Variants in WFDC10B observed in about 807,000 individuals in gnomAD.
WFDC10B encodes the protein WAP four-disulfide core domain 10B, also known as protein WFDC10B.
A neutral mutation model predicts 2.7 loss-of-function variants in WFDC10B; 1 was observed. The observed-to-expected ratio is 0.38, with a 90% CI of 0.13 to 1.79. The LOEUF is 1.79. Among genes scored for constraint, WFDC10B ranks in the 40% most tolerant of loss-of-function variants. The pLI, the probability that WFDC10B is intolerant of heterozygous loss-of-function variation, is 0.33. For synonymous variants in WFDC10B, 26 were observed against 32.2 expected, an observed-to-expected ratio of 0.81 and a Z score of 0.65; for missense variants, 71 against 87.8, an observed-to-expected ratio of 0.81 and a Z score of 0.76.
intron 2 of WFDC10B, among the ~76,000 whole-genome samples, chr20:45,692,018 T>C (rs1039008135): frequency 6.6e-6 from 1 of 152,134 alleles, no homozygotes; most frequent in Non-Finnish European, 1.5e-5. Flanking sequence ...AGGAGCTCTT[T>C]TAGGGCAGGC....
chr20:45,694,105 T>C (rs1983908655), intron 2 of WFDC10B, among the ~76,000 whole-genome samples: 1 of 152,242 alleles, frequency 6.6e-6, no homozygotes, highest in Non-Finnish European at 1.5e-5. Context: ...GATGATAGTC[T>C]ATTTTGCTGT....
intron 2 of WFDC10B, among the ~76,000 whole-genome samples, chr20:45,692,379 G>A (rs1371574142): frequency 6.6e-6 from 1 of 152,008 alleles, no homozygotes; most frequent in Non-Finnish European, 1.5e-5. Flanking sequence ...CTGAATGTTG[G>A]CCTGCCTTGC....
At chr20:45,691,443 A>C (rs1983809483) in intron 2 of WFDC10B, among the ~76,000 whole-genome samples, 1 of 150,244 alleles carries the variant, frequency 6.7e-6, no homozygotes, top group Non-Finnish European at 1.5e-5. Context: ...GGGGTGTTAA[A>C]GTCTCCCATT....
chr20:45,703,751 T>A (rs1984272387), intron 2 of WFDC10B, among the ~76,000 whole-genome samples: 1 of 152,182 alleles, frequency 6.6e-6, no homozygotes, highest in African/African-American at 2.4e-5. Context: ...ATAATGATGC[T>A]TATTCTTCTC....
At chr20:45,701,812 T>C (rs965489156) in intron 2 of WFDC10B, among the ~76,000 whole-genome samples, 3 of 151,250 alleles carry the variant, frequency 2.0e-5, no homozygotes, top group African/African-American at 7.3e-5. Context: ...ATATAACATG[T>C]ACAATTTCCA....
chr20:45,687,318 C>G (rs553945941), intron 2 of WFDC10B, among the ~76,000 whole-genome samples: 1 of 152,288 alleles, frequency 6.6e-6, no homozygotes, highest in South Asian at 2.1e-4. Flanking sequence ...GTAGTTCCAT[C>G]CATGTCCTTG....
At chr20:45,691,031 TTG>T (rs1167176686) in intron 2 of WFDC10B, among the ~76,000 whole-genome samples, 2 of 152,324 alleles carry the variant, frequency 1.3e-5, no homozygotes, top group South Asian at 4.1e-4. Context: ...TTCTAGTATG[TTG>T]TGTCTTTGTT....
intron 2 of WFDC10B, among the ~76,000 whole-genome samples, chr20:45,693,948 G>A (rs1983901894): frequency 6.7e-6 from 1 of 148,370 alleles, no homozygotes; most frequent in Non-Finnish European, 1.5e-5. Context: ...GTAGAACGGA[G>A]CTGTTCCTAT....
intron 2 of WFDC10B, among the ~76,000 whole-genome samples, chr20:45,691,548 T>G (rs1170065400): frequency 6.6e-6 from 1 of 151,414 alleles, no homozygotes; most frequent in Non-Finnish European, 1.5e-5. Flanking sequence ...ATATTTAGGA[T>G]AGTTAGCTCT....
At chr20:45,686,169 C>T (rs1983611085) in intron 2 of WFDC10B, 113 bp from the exon 3 acceptor site, 2 of 1,290,600 alleles carry the variant, frequency 1.5e-6, no homozygotes, top group African/African-American at 3.0e-5. Context: ...CTTCTCCTGG[C>T]CCTGTCCTTC....
At chr20:45,689,321 T>C (rs1347106565) in intron 2 of WFDC10B, among the ~76,000 whole-genome samples, 7 of 151,730 alleles carry the variant, frequency 4.6e-5, no homozygotes, top group South Asian at 2.1e-4. Flanking sequence ...CTTGGCGATG[T>C]GGGCTCTTTT....
intron 1 of WFDC10B, 146 bp from the exon 2 acceptor site, chr20:45,704,707 G>C (rs1271586595): frequency 6.9e-7 from 1 of 1,458,570 alleles, no homozygotes; most frequent in Admixed American, 2.2e-5. Flanking sequence ...TTTTTCCTTG[G>C]TGGCCATGTT....
intron 2 of WFDC10B, among the ~76,000 whole-genome samples, chr20:45,694,446 A>T (rs1983920792): frequency 6.6e-6 from 1 of 152,244 alleles, no homozygotes. Flanking sequence ...AAACATGATT[A>T]TATATCGATA....
At chr20:45,704,660 C>A (rs188076182) in intron 1 of WFDC10B, 99 bp from the exon 2 acceptor site, 2 of 1,576,368 alleles carry the variant, frequency 1.3e-6, no homozygotes, top group African/African-American at 2.7e-5. Context: ...AGAAGAGTCC[C>A]TTACCAGCAA....
chr20:45,704,355 G>A (rs1440586186), intron 2 of WFDC10B, 142 bp downstream of exon 2: 10 of 1,516,800 alleles, frequency 6.6e-6, no homozygotes, highest in Admixed American at 6.3e-5. Context: ...AGGGTGGCAG[G>A]TTTCCTGGCA....
At chr20:45,687,655 A>G (rs941584562) in intron 2 of WFDC10B, among the ~76,000 whole-genome samples, 1 of 152,106 alleles carries the variant, frequency 6.6e-6, no homozygotes, top group African/African-American at 2.4e-5. Flanking sequence ...CTATTTCTCC[A>G]CAACCTCAAC....
At chr20:45,693,538 G>T (rs186807752) in intron 2 of WFDC10B, among the ~76,000 whole-genome samples, 1 of 152,126 alleles carries the variant, frequency 6.6e-6, no homozygotes, top group Non-Finnish European at 1.5e-5. Context: ...AATGGTGGGC[G>T]CCCCTCCCCC....
rs1983562025 is a variant in WFDC10B at position 45,685,007 on chromosome 20, G to A, written c.92-47C>T. On this transcript the variant is annotated intron_variant, in intron 3 of 3. Transcript: ENST00000330523. ...GTCAATGAAACCATGCACCTATAGA[G>A]CAGCCTTCTCAAGCTTGAAGCTCCT... is the stretch of plus-strand genomic sequence containing the variant. The A allele has an allele frequency of 4.3e-6, 7 of 1,609,324 alleles. No homozygotes were observed. In the East Asian group the frequency reaches 1.6e-4, roughly 36 times the overall value.
chr20:45,699,240 C>A (rs950531113), intron 2 of WFDC10B, among the ~76,000 whole-genome samples: 7 of 152,030 alleles, frequency 4.6e-5, no homozygotes, highest in Non-Finnish European at 1.0e-4. Context: ...AGTAAACATA[C>A]AAAGTTAAAC....
Sources: allele counts gnomAD v4.1 joint callset (sites outside exome capture counted in the v4.1 genomes callset), GRCh38; gene constraint gnomAD v4.1.1; transcripts MANE v1.5; gene names NCBI Gene and HGNC (gene_info 2026-07-23, HGNC 2026-07-21).